The following CPEB3 variants were observed in gnomAD, a reference collection of about 807,000 sequenced individuals.
The protein encoded by CPEB3 is cytoplasmic polyadenylation element-binding protein 3.
Under a neutral mutation model 67.2 loss-of-function variants are expected in CPEB3, and 20 were observed. The observed-to-expected ratio is 0.30, with a 90% CI of 0.21 to 0.43. The LOEUF (loss-of-function observed/expected upper bound fraction) is 0.43, where lower values mean the gene tolerates loss of function less well. Among genes scored for constraint, CPEB3 ranks in the 20% least tolerant of loss-of-function variants. The pLI is 1.00. For synonymous variants in CPEB3, 376 were observed against 393.1 expected (o/e 0.96, Z 0.51); for missense variants, 746 against 968.6 (o/e 0.77, Z 3.05).
intron 7 of CPEB3, among the ~76,000 whole-genome samples, chr10:92,105,715 G>GTTTTTTTTTTTTTTTTTTTTTTTTTGGTT (rs999673116): frequency 9.1e-6 from 1 of 109,728 alleles, no homozygotes; most frequent in Admixed American, 1.1e-4. Context: ...TGTTTTGTGG[G>GTTTTTTTTTTTTTTTTTTTTTTTTTGGTT]TTTTTTTTTT....
intron 6 of CPEB3, among the ~76,000 whole-genome samples, chr10:92,133,733 T>C (rs1201824666): frequency 6.6e-6 from 1 of 152,150 alleles, no homozygotes; most frequent in Non-Finnish European, 1.5e-5. Context: ...TTTAGACCAA[T>C]ATCCCTGACG....
At chr10:92,096,527 C>T (rs540188589) in intron 7 of CPEB3, among the ~76,000 whole-genome samples, 2 of 152,244 alleles carry the variant, frequency 1.3e-5, no homozygotes, top group South Asian at 4.2e-4. Flanking sequence ...GCCTCAGCAT[C>T]CTGAGGACAA....
At chr10:92,197,350 G>T (rs548008652) in intron 2 of CPEB3, among the ~76,000 whole-genome samples, 1 of 151,944 alleles carries the variant, frequency 6.6e-6, no homozygotes. Flanking sequence ...TGCAAAAACA[G>T]AACAAAAAGG....
intron 1 of CPEB3, among the ~76,000 whole-genome samples, chr10:92,253,184 G>A (rs1852370664): frequency 6.6e-6 from 1 of 152,062 alleles, no homozygotes; most frequent in Admixed American, 6.6e-5. Context: ...AAACTAGGCT[G>A]GGCACGGTAG....
intron 9 of CPEB3, among the ~76,000 whole-genome samples, chr10:92,053,538 CTTTTTCTTTTTTTT>C (rs1564741469): frequency 1.1e-5 from 1 of 92,926 alleles, no homozygotes; most frequent in Non-Finnish European, 2.5e-5. Context: ...TAATTTTTTT[CTTTTTCTTTTTTTT>C]TTTTTTTGAG....
chr10:92,290,790 C>A (rs1203323243), intron 1 of CPEB3, 136 bp downstream of exon 1: 2 of 152,528 alleles, frequency 1.3e-5, no homozygotes, highest in Non-Finnish European at 2.9e-5. Flanking sequence ...CCACTGCCGC[C>A]ACTGACCGCC....
intron 2 of CPEB3, among the ~76,000 whole-genome samples, chr10:92,194,041 C>T (rs1030223258): frequency 2.0e-5 from 3 of 151,884 alleles, no homozygotes; most frequent in Middle Eastern, 3.4e-3. Flanking sequence ...CGTGATCCAC[C>T]GGCCTCGGCC....
At chr10:92,194,780 G>A (rs571173991) in intron 2 of CPEB3, among the ~76,000 whole-genome samples, 5 of 152,002 alleles carry the variant, frequency 3.3e-5, no homozygotes, top group Non-Finnish European at 5.9e-5. Context: ...GGTGGCTCAC[G>A]CCTGTAATCC....
chr10:92,058,588 C>CAT (rs201117744), intron 9 of CPEB3, among the ~76,000 whole-genome samples: 7 of 123,976 alleles, frequency 5.6e-5, no homozygotes, highest in African/African-American at 1.9e-4. Flanking sequence ...TACATACATA[C>CAT]ATACATATAT....
chr10:92,105,164 T>C (rs867686259), intron 7 of CPEB3, among the ~76,000 whole-genome samples: 4 of 152,242 alleles, frequency 2.6e-5, no homozygotes, highest in African/African-American at 9.6e-5. Flanking sequence ...CACATGCTGA[T>C]ATGGCTTAGC....
intron 4 of CPEB3, among the ~76,000 whole-genome samples, chr10:92,175,245 G>A (rs1848171785): frequency 6.6e-6 from 1 of 150,666 alleles, no homozygotes; most frequent in Non-Finnish European, 1.5e-5. Context: ...CATCTAGTAT[G>A]TATTCTTTTG....
At chr10:92,288,604 T>A (rs1295409806) in intron 1 of CPEB3, among the ~76,000 whole-genome samples, 1 of 152,202 alleles carries the variant, frequency 6.6e-6, no homozygotes, top group Non-Finnish European at 1.5e-5. Context: ...TAACAGGATT[T>A]TTTTCTACTT....
At chr10:92,143,261 CTAAG>C in intron 5 of CPEB3, 143 bp from the exon 6 acceptor site, 2 of 556,592 alleles carry the variant, frequency 3.6e-6, no homozygotes, top group South Asian at 4.5e-5. Flanking sequence ...GTGAAACCTA[CTAAG>C]TGAAATACCA....
At chr10:92,122,248 G>A (rs1184208194) in intron 6 of CPEB3, among the ~76,000 whole-genome samples, 2 of 152,234 alleles carry the variant, frequency 1.3e-5, no homozygotes, top group Admixed American at 6.5e-5. Context: ...CTGACCCAGA[G>A]GCTGATTACT....
At chr10:92,123,219 C>G (rs185951835) in intron 6 of CPEB3, among the ~76,000 whole-genome samples, 2 of 152,280 alleles carry the variant, frequency 1.3e-5, no homozygotes, top group Non-Finnish European at 2.9e-5. Context: ...ATCACACATT[C>G]CCTATATAAA....
At chr10:92,189,452 C>T (rs151049111) in intron 3 of CPEB3, among the ~76,000 whole-genome samples, 12 of 152,216 alleles carry the variant, frequency 7.9e-5, no homozygotes, top group African/African-American at 2.2e-4. Context: ...ATTTGATCTT[C>T]GCACTCACTC....
chr10:92,078,493 T>C (rs1843018289), intron 9 of CPEB3, among the ~76,000 whole-genome samples: 2 of 152,098 alleles, frequency 1.3e-5, no homozygotes, highest in African/African-American at 4.8e-5. Context: ...TTGCTTGGAC[T>C]TGACAGTGAC....
At chr10:92,153,974 A>C (rs1218290716) in intron 4 of CPEB3, among the ~76,000 whole-genome samples, 1 of 152,052 alleles carries the variant, frequency 6.6e-6, no homozygotes, top group Non-Finnish European at 1.5e-5. Flanking sequence ...TGTTAAAAGG[A>C]CTTTTCATAT....
chr10:92,181,367 C>CAAAAAAA (rs55896574), intron 3 of CPEB3, among the ~76,000 whole-genome samples: 22 of 95,386 alleles, frequency 2.3e-4, no homozygotes, highest in East Asian at 5.5e-4. Context: ...ATTCAAGCAG[C>CAAAAAAA]AAAAAAAAAA....
Sources: allele counts gnomAD v4.1 joint callset (sites outside exome capture counted in the v4.1 genomes callset), GRCh38; gene constraint gnomAD v4.1.1; transcripts MANE v1.5; gene names NCBI Gene and HGNC (gene_info 2026-07-23, HGNC 2026-07-21).